Variants in NIPBL observed in about 807,000 individuals in gnomAD.
The protein encoded by NIPBL is nipped-B-like protein.
In NIPBL, 19 loss-of-function variants were observed where a neutral mutation model predicts 321.8. That is an observed-to-expected ratio of 0.06 (90% confidence interval 0.04 to 0.09). The LOEUF (loss-of-function observed/expected upper bound fraction) is 0.09, where lower values mean the gene tolerates loss of function less well. Among genes scored for constraint, NIPBL ranks in the 10% least tolerant of loss-of-function variants. The pLI, the probability that NIPBL is intolerant of heterozygous loss-of-function variation, is 1.00. For missense variants in NIPBL, 2,210 were observed against 3,327.0 expected (o/e 0.66, Z 8.26); for synonymous variants, 1,106 against 1,114.1 (o/e 0.99, Z 0.14).
At chr5:36,986,331 A>C in intron 10 of NIPBL, 30 bp downstream of exon 10, 4 of 1,370,788 alleles carry the variant, frequency 2.9e-6, no homozygotes, top group Non-Finnish European at 3.9e-6. Flanking sequence ...TGTCATTTAT[A>C]ATATAATCGA....
intron 1 of NIPBL, among the ~76,000 whole-genome samples, chr5:36,899,246 A>G (rs959503245): frequency 6.6e-6 from 1 of 152,196 alleles, no homozygotes; most frequent in African/African-American, 2.4e-5. Context: ...CAGTTTAAAG[A>G]GAAGGATGGG....
chr5:36,956,455 A>AT (rs940117411), intron 3 of NIPBL, among the ~76,000 whole-genome samples: 1 of 151,974 alleles, frequency 6.6e-6, no homozygotes, highest in Admixed American at 6.6e-5. Context: ...GATGCGGTAC[A>AT]TATTTTTGGG....
intron 21 of NIPBL, among the ~76,000 whole-genome samples, chr5:37,012,758 G>A (rs1748321552): frequency 6.6e-6 from 1 of 152,040 alleles, no homozygotes; most frequent in Non-Finnish European, 1.5e-5. Context: ...GATACAGCAC[G>A]TTTCAGAGAG....
intron 1 of NIPBL, chr5:36,886,481 A>G (rs1259655231): frequency 9.2e-6 from 7 of 761,448 alleles, no homozygotes; most frequent in Non-Finnish European, 1.4e-5. Context: ...AGTGACACCA[A>G]AGTTCTGAGA....
intron 1 of NIPBL, among the ~76,000 whole-genome samples, chr5:36,946,147 C>T (rs1447945192): frequency 6.6e-6 from 1 of 151,794 alleles, no homozygotes; most frequent in Admixed American, 6.6e-5. Flanking sequence ...TTTCATTCTC[C>T]CCCCAGAAAT....
chr5:36,918,586 C>T (rs1292253964), intron 1 of NIPBL, among the ~76,000 whole-genome samples: 1 of 152,098 alleles, frequency 6.6e-6, no homozygotes, highest in Non-Finnish European at 1.5e-5. Flanking sequence ...TGAGAGAGGG[C>T]GTCCCTGTCT....
At chr5:36,917,473 G>GA (rs1268473116) in intron 1 of NIPBL, among the ~76,000 whole-genome samples, 10 of 152,112 alleles carry the variant, frequency 6.6e-5, no homozygotes, top group Non-Finnish European at 1.5e-4. Context: ...CTTTTGCTGT[G>GA]CAGAAGCTCT....
At chr5:37,027,474 G>GTTT in intron 32 of NIPBL, 62 bp downstream of exon 32, 63 of 934,684 alleles carry the variant, frequency 6.7e-5, no homozygotes, top group East Asian at 8.5e-5. Context: ...TGTTGTTGGT[G>GTTT]TTTTTTTTTT....
chr5:37,000,915 C>G, intron 13 of NIPBL, 27 bp downstream of exon 13: 1 of 1,595,952 alleles, frequency 6.3e-7, no homozygotes, highest in South Asian at 1.1e-5. Context: ...TTTAATTTGT[C>G]TTTATTCATA....
chr5:37,019,256 T>A, intron 24 of NIPBL, 55 bp from the exon 25 acceptor site: 1 of 1,142,496 alleles, frequency 8.8e-7, no homozygotes. Context: ...AATTAGGTGA[T>A]TTATTAAAGC....
chr5:36,905,213 A>G (rs187601849), intron 1 of NIPBL, among the ~76,000 whole-genome samples: 7 of 152,346 alleles, frequency 4.6e-5, no homozygotes, highest in African/African-American at 7.2e-5. Context: ...GTAATAAGCA[A>G]TGAATTTGAA....
intron 42 of NIPBL, among the ~76,000 whole-genome samples, chr5:37,053,718 G>A (rs1753803760): frequency 6.6e-6 from 1 of 152,132 alleles, no homozygotes; most frequent in African/African-American, 2.4e-5. Context: ...CAGGACCATA[G>A]GCCAAGAAAA....
intron 6 of NIPBL, among the ~76,000 whole-genome samples, chr5:36,965,785 G>A (rs868697152): frequency 1.1e-4 from 16 of 152,176 alleles, no homozygotes; most frequent in African/African-American, 2.4e-4. Flanking sequence ...CCAGAAATAC[G>A]TGCCTCTATT....
chr5:37,062,546 TAA>T (rs34928107), intron 45 of NIPBL, among the ~76,000 whole-genome samples: 2 of 145,608 alleles, frequency 1.4e-5, no homozygotes, highest in Admixed American at 6.9e-5. Flanking sequence ...TTCCAGTGAT[TAA>T]AAAAAAAAAG....
At chr5:37,030,747 T>C (rs181621561) in intron 32 of NIPBL, among the ~76,000 whole-genome samples, 1 of 151,940 alleles carries the variant, frequency 6.6e-6, no homozygotes, top group East Asian at 1.9e-4. Flanking sequence ...TCTAAATAAT[T>C]ATGTTAGTAT....
At chr5:36,908,825 G>A (rs751251667) in intron 1 of NIPBL, among the ~76,000 whole-genome samples, 3 of 152,126 alleles carry the variant, frequency 2.0e-5, no homozygotes, top group Non-Finnish European at 4.4e-5. Flanking sequence ...TAATCGGTCA[G>A]GTGCAGGTTC....
chr5:36,998,655 A>G (rs1746424760), intron 11 of NIPBL, among the ~76,000 whole-genome samples: 1 of 152,072 alleles, frequency 6.6e-6, no homozygotes, highest in Non-Finnish European at 1.5e-5. Context: ...CTGCCCACAT[A>G]AGAAAATAGT....
chr5:36,897,748 G>A (rs1168076563), intron 1 of NIPBL, among the ~76,000 whole-genome samples: 2 of 152,000 alleles, frequency 1.3e-5, no homozygotes, highest in Admixed American at 6.5e-5. Context: ...TATTTGTTGC[G>A]GAAATAAATA....
intron 1 of NIPBL, among the ~76,000 whole-genome samples, chr5:36,925,787 C>T (rs542929667): frequency 6.6e-6 from 1 of 152,278 alleles, no homozygotes; most frequent in Admixed American, 6.5e-5. Flanking sequence ...ACGTAACTTA[C>T]AGTTCCCATT....
Sources: allele counts gnomAD v4.1 joint callset (sites outside exome capture counted in the v4.1 genomes callset), GRCh38; gene constraint gnomAD v4.1.1; transcripts MANE v1.5; gene names NCBI Gene and HGNC (gene_info 2026-07-23, HGNC 2026-07-21).